The following LINGO2 variants were observed in gnomAD, a reference collection of about 807,000 sequenced individuals.
LINGO2 encodes the protein leucine rich repeat and Ig domain containing 2.
LINGO2 carries 14 observed loss-of-function variants against 30.6 expected under a neutral mutation model. The ratio of observed to expected loss-of-function variants is 0.46; its 90% CI spans 0.30 to 0.72. LINGO2 has a LOEUF of 0.72. LINGO2 is among the 30% of genes least tolerant of loss of function. The pLI, the probability that LINGO2 is intolerant of heterozygous loss-of-function variation, is 0.07. For missense variants in LINGO2, 729 were observed against 751.7 expected, an observed-to-expected ratio of 0.97 and a Z score of 0.35; for synonymous variants, 317 against 288.5, an observed-to-expected ratio of 1.10 and a Z score of -1.00.
At chr9:28,753,982 T>C in the LINGO2 span, among the ~76,000 whole-genome samples, 18 of 150,764 alleles carry the variant, frequency 1.2e-4, no homozygotes, top group East Asian at 3.2e-3. Flanking sequence ...CACTTTAATT[T>C]TTATTAAATT....
rs546437903 is a variant in LINGO2 at position 28,002,877 on chromosome 9, G to T, written c.-36+9478C>A. The stretch of plus-strand genomic sequence containing the variant: ...TGCGTTGGTGTGTTTCAATCGTGTG[G>T]TGTGTTCTAATCCCAGTGTGAGTGC... On this transcript the variant is annotated intron_variant, in intron 5 of 5. Coordinates refer to ENST00000379992, the Ensembl canonical transcript of LINGO2. Among the ~76,000 whole-genome samples, 39 of 152,178 alleles carry T rather than the reference G, an allele frequency of 2.6e-4. No individual in the cohort carries two copies. In the South Asian group the frequency reaches 8.1e-3, roughly 32 times the overall value.
At chr9:29,151,773 A>G in the LINGO2 span, among the ~76,000 whole-genome samples, 82 of 152,328 alleles carry the variant, frequency 5.4e-4, 2 homozygotes, top group East Asian at 0.014. Flanking sequence ...CTACAATAAG[A>G]TTTAGACAGA....
intron 2 of LINGO2, among the ~76,000 whole-genome samples, chr9:28,446,062 A>G (rs539283806): frequency 2.3e-4 from 35 of 152,344 alleles, no homozygotes; most frequent in Admixed American, 2.0e-3. Flanking sequence ...TAGAGAAAAT[A>G]CATTATTTTA....
At chr9:28,917,992 T>C in the LINGO2 span, among the ~76,000 whole-genome samples, 1 of 152,084 alleles carries the variant, frequency 6.6e-6, no homozygotes, top group African/African-American at 2.4e-5. Flanking sequence ...TTTTGAATTT[T>C]TATCTCACTA....
chr9:27,991,330 G>A (rs10968255), intron 5 of LINGO2, among the ~76,000 whole-genome samples: 7,095 of 151,984 alleles, frequency 0.047, 459 homozygotes, highest in East Asian at 0.17. Context: ...TTTCTCTCCC[G>A]GATGATTTGC....
At chr9:29,115,786 T>G in the LINGO2 span, among the ~76,000 whole-genome samples, 1 of 152,060 alleles carries the variant, frequency 6.6e-6, no homozygotes, top group Non-Finnish European at 1.5e-5. Context: ...ATCAATTTTC[T>G]TGGAAACACA....
At chr9:28,971,010 C>A in the LINGO2 span, among the ~76,000 whole-genome samples, 1 of 152,228 alleles carries the variant, frequency 6.6e-6, no homozygotes, top group East Asian at 1.9e-4. Context: ...GGGAAGAGTG[C>A]AGGAGGACTG....
chr9:28,322,672 A>C (rs769252804), intron 3 of LINGO2, among the ~76,000 whole-genome samples: 9 of 152,314 alleles, frequency 5.9e-5, no homozygotes, highest in East Asian at 1.9e-4. Flanking sequence ...CTGATTGTCT[A>C]TCACTACCTG....
chr9:28,611,829 ATTTT>A lies in LINGO2; in HGVS notation c.-365+58367_-365+58370del, dbSNP rs915736967. Among the ~76,000 whole-genome samples the A allele has an allele frequency of 9.7e-3, 1,449 of 149,240 alleles. 28 individuals carry two copies. Among genetic ancestry groups the A allele is most frequent in the African/African-American group, 0.034 (1,376 of 40,496 alleles). ...TTTATTTTATTTTATTTATTTATTT[ATTTT>A]TTTTTGAGACAGAGTCACGCTCTGT... On this transcript the variant is annotated intron_variant, in intron 1 of 5. Transcript: ENST00000379992.
At chr9:28,898,853 T>C in the LINGO2 span, among the ~76,000 whole-genome samples, 3 of 152,130 alleles carry the variant, frequency 2.0e-5, no homozygotes, top group Admixed American at 1.3e-4. Flanking sequence ...AAATAATCTG[T>C]ACCTCAAACC....
chr9:29,029,247 G>T, the LINGO2 span, among the ~76,000 whole-genome samples: 2 of 152,104 alleles, frequency 1.3e-5, no homozygotes, highest in African/African-American at 2.4e-5. Flanking sequence ...TTTAAAACCT[G>T]CCTGAGTGAC....
chr9:28,589,956 G>A (rs575035025), intron 1 of LINGO2, among the ~76,000 whole-genome samples: 2 of 152,054 alleles, frequency 1.3e-5, no homozygotes, highest in Non-Finnish European at 2.9e-5. Flanking sequence ...CCAAAACAGA[G>A]ATATAGACCA....
the LINGO2 span, among the ~76,000 whole-genome samples, chr9:29,117,686 C>A: frequency 4.4e-4 from 67 of 152,320 alleles, no homozygotes; most frequent in Non-Finnish European, 8.5e-4. Context: ...CATTCTACAG[C>A]AGCTGGAAAA....
chr9:28,055,744 T>C (rs182934178), intron 4 of LINGO2, among the ~76,000 whole-genome samples: 2 of 152,294 alleles, frequency 1.3e-5, no homozygotes, highest in Admixed American at 6.5e-5. Context: ...CAAAGACAAG[T>C]CTCTCTTGGA....
chr9:28,235,052 A>C (rs537052016), intron 4 of LINGO2, among the ~76,000 whole-genome samples: 4 of 152,158 alleles, frequency 2.6e-5, no homozygotes, highest in Non-Finnish European at 4.4e-5. Flanking sequence ...TCCTAAAGGG[A>C]AGGCCCTTGG....
chr9:28,526,219 T>C (rs900495552), intron 1 of LINGO2, among the ~76,000 whole-genome samples: 16 of 152,154 alleles, frequency 1.1e-4, no homozygotes, highest in African/African-American at 3.6e-4. Context: ...GGAAGAATGT[T>C]ACTTGGAACA....
the LINGO2 span, among the ~76,000 whole-genome samples, chr9:28,868,402 T>C: frequency 1.3e-5 from 2 of 151,998 alleles, no homozygotes; most frequent in Non-Finnish European, 2.9e-5. Context: ...AGTGAGTGAG[T>C]GAGCATGTGT....
At chr9:28,521,594 T>A (rs10968637) in intron 1 of LINGO2, among the ~76,000 whole-genome samples, 3,443 of 152,280 alleles carry the variant, frequency 0.023, 99 homozygotes, top group East Asian at 0.11. Flanking sequence ...TCCCCATAAT[T>A]TACAAACACT....
the LINGO2 span, among the ~76,000 whole-genome samples, chr9:28,931,982 C>T: frequency 1.9e-3 from 292 of 151,790 alleles, 5 homozygotes; most frequent in Non-Finnish European, 4.0e-4. Context: ...GTGGCACGCA[C>T]CTGTAGTCCC....
Sources: gnomAD v4.1 joint callset for allele counts (sites outside exome capture counted in the v4.1 genomes callset) on GRCh38, gnomAD v4.1.1 for gene constraint, MANE v1.5 for transcripts, NCBI Gene and HGNC (gene_info 2026-07-23, HGNC 2026-07-21) for gene names.